Variants in CERS6 observed in about 807,000 individuals in gnomAD.
The protein encoded by CERS6 is ceramide synthase 6.
Under a neutral mutation model 56.8 loss-of-function variants are expected in CERS6, and 26 were observed. The observed-to-expected ratio is 0.46, with a 90% CI of 0.34 to 0.63. The LOEUF is 0.63. CERS6 is among the 30% of genes least tolerant of loss of function. CERS6 has a pLI of 0.01. For missense variants in CERS6, 415 were observed against 467.5 expected, an observed-to-expected ratio of 0.89 and a Z score of 1.04; for synonymous variants, 164 against 173.3, an observed-to-expected ratio of 0.95 and a Z score of 0.42.
At chr2:168,534,144 C>A (rs570377560) in intron 1 of CERS6, among the ~76,000 whole-genome samples, 95 of 152,162 alleles carry the variant, frequency 6.2e-4, no homozygotes, top group African/African-American at 2.1e-3. Context: ...TTCTTAGTTT[C>A]TTTGCATTGG....
intron 9 of CERS6, among the ~76,000 whole-genome samples, chr2:168,766,026 C>T (rs1684722045): frequency 6.6e-6 from 1 of 152,172 alleles, no homozygotes; most frequent in African/African-American, 2.4e-5. Flanking sequence ...TGGACCTCCT[C>T]TGATTATATT....
chr2:168,772,251 C>A lies in CERS6; in HGVS notation c.*2589C>A, dbSNP rs1443623132. 1 of 152,438 alleles carries A rather than the reference C, an allele frequency of 6.6e-6. No individual in the cohort carries two copies. Among genetic ancestry groups the A allele is most frequent in the African/African-American group, 2.4e-5 (1 of 41,434 alleles). The allele number at this position is 152,438 out of a possible 1,614,324, so 9.4% of individuals were successfully genotyped here. The stretch of plus-strand genomic sequence containing the variant: ...CTCCTCCTTCCTGGTCACATTCAAA[C>A]CTTCCCAGAGTACAAAGGGGTATGT... On this transcript the variant is annotated 3_prime_UTR_variant, in exon 10 of 10. Transcript: ENST00000305747.
chr2:168,617,941 A>G (rs1411828664), intron 3 of CERS6, among the ~76,000 whole-genome samples: 2 of 152,182 alleles, frequency 1.3e-5, no homozygotes, highest in African/African-American at 2.4e-5. Context: ...AAAGAAAACT[A>G]CAGACCAATA....
chr2:168,769,213 C>T (rs1684803265), intron 9 of CERS6, among the ~76,000 whole-genome samples: 1 of 152,072 alleles, frequency 6.6e-6, no homozygotes, highest in South Asian at 2.1e-4. Flanking sequence ...CAGTATGCTA[C>T]TTTTTGATTA....
chr2:168,651,086 C>G (rs1292622484), intron 4 of CERS6, among the ~76,000 whole-genome samples: 1 of 152,108 alleles, frequency 6.6e-6, no homozygotes, highest in Non-Finnish European at 1.5e-5. Context: ...AACAGTAAAT[C>G]TGTGCTGAAA....
intron 2 of CERS6, among the ~76,000 whole-genome samples, chr2:168,556,780 A>G (rs1292193587): frequency 5.9e-5 from 9 of 152,112 alleles, no homozygotes; most frequent in African/African-American, 1.7e-4. Flanking sequence ...GTGAAAAACT[A>G]CCACAGATAT....
At chr2:168,547,446 A>G (rs1342449531) in intron 1 of CERS6, 150 bp from the exon 2 acceptor site, 3 of 563,686 alleles carry the variant, frequency 5.3e-6, no homozygotes, top group African/African-American at 3.8e-5. Flanking sequence ...TCTGCCTTAC[A>G]GTTACTGACA....
At chr2:168,595,346 T>C (rs931409541) in intron 3 of CERS6, among the ~76,000 whole-genome samples, 2 of 152,236 alleles carry the variant, frequency 1.3e-5, no homozygotes, top group Non-Finnish European at 2.9e-5. Flanking sequence ...ATTTATTGTT[T>C]AGTCTGAGCT....
At chr2:168,752,279 A>ATGTG (rs397870530) in intron 8 of CERS6, among the ~76,000 whole-genome samples, 10,762 of 132,498 alleles carry the variant, frequency 0.081, 495 homozygotes, top group African/African-American at 0.11. Context: ...AAAAAAATAA[A>ATGTG]TGTGTGTGTG....
chr2:168,644,218 G>C, intron 4 of CERS6: 3 of 934,542 alleles, frequency 3.2e-6, no homozygotes, highest in Non-Finnish European at 3.8e-6. Context: ...GAGGATTTCA[G>C]ATAGGGTGCT....
chr2:168,665,856 G>A (rs1685744413), intron 4 of CERS6, among the ~76,000 whole-genome samples: 2 of 151,858 alleles, frequency 1.3e-5, no homozygotes, highest in Non-Finnish European at 1.5e-5. Flanking sequence ...AATTATTATG[G>A]CATATTATCT....
At position 168,603,043 on chromosome 2, in the gene CERS6, T is replaced by C. The variant is rs1171726773; in HGVS notation, c.408-27942T>C. Among the ~76,000 whole-genome samples the C allele has an allele frequency of 2.6e-5, 4 of 152,366 alleles. No individual in the cohort carries two copies. The East Asian group carries it at 7.7e-4, about 29-fold the overall frequency. On this transcript the variant is annotated intron_variant, in intron 3 of 9. Transcript: ENST00000305747. ...TCCCTGGGTAGTGAGCCTGTAACAA[T>C]GATCTTTCATTCCATGGAAGGAGAA... is the stretch of plus-strand genomic sequence containing the variant.
chr2:168,633,330 A>T (rs774363110), intron 4 of CERS6, among the ~76,000 whole-genome samples: 8 of 152,196 alleles, frequency 5.3e-5, no homozygotes, highest in Non-Finnish European at 1.2e-4. Context: ...GTAGAAATGC[A>T]TACATAGAAT....
chr2:168,634,632 C>T (rs1265854553), intron 4 of CERS6, among the ~76,000 whole-genome samples: 3 of 152,082 alleles, frequency 2.0e-5, no homozygotes, highest in Admixed American at 6.5e-5. Flanking sequence ...AGGCTGGTCT[C>T]GAACTCCTGA....
chr2:168,765,491 T>TG, intron 8 of CERS6, 101 bp from the exon 9 acceptor site: 2 of 1,195,156 alleles, frequency 1.7e-6, no homozygotes, highest in Non-Finnish European at 2.3e-6. Context: ...AGGGGGTAGT[T>TG]GGGAGATATT....
intron 1 of CERS6, among the ~76,000 whole-genome samples, chr2:168,489,190 A>AT: frequency 6.6e-6 from 1 of 152,040 alleles, no homozygotes; most frequent in East Asian, 1.9e-4. Context: ...AGGTTGGTGG[A>AT]TTTTTTTCCT....
intron 3 of CERS6, among the ~76,000 whole-genome samples, chr2:168,579,513 C>T (rs11680688): frequency 0.65 from 98,361 of 151,982 alleles, 37,644 homozygotes; most frequent in South Asian, 0.88. Context: ...ATGAACTGCT[C>T]AGAGTTATCT....
At chr2:168,557,381 A>AAGT (rs910598058) in intron 2 of CERS6, among the ~76,000 whole-genome samples, 1 of 152,218 alleles carries the variant, frequency 6.6e-6, no homozygotes, top group African/African-American at 2.4e-5. Context: ...CTTCTTGAAA[A>AAGT]TACTAACAGG....
chr2:168,673,524 T>C (rs1685976059), intron 4 of CERS6, among the ~76,000 whole-genome samples: 1 of 152,160 alleles, frequency 6.6e-6, no homozygotes, highest in Non-Finnish European at 1.5e-5. Flanking sequence ...AAAATGGTGG[T>C]GGTGAAATTT....
Sources: allele counts gnomAD v4.1 joint callset (sites outside exome capture counted in the v4.1 genomes callset), GRCh38; gene constraint gnomAD v4.1.1; transcripts MANE v1.5; gene names NCBI Gene and HGNC (gene_info 2026-07-23, HGNC 2026-07-21).